LARGE1: variants seen among roughly 807,000 people sequenced by gnomAD.
LARGE1 encodes xylosyl- and glucuronyltransferase LARGE1.
A neutral mutation model predicts 87.6 loss-of-function variants in LARGE1; 43 were observed. The ratio of observed to expected loss-of-function variants is 0.49; its 90% CI spans 0.38 to 0.63. LARGE1 has a LOEUF of 0.63. LARGE1 is among the 30% of genes least tolerant of loss of function. LARGE1 has a pLI of 0.00. For missense variants in LARGE1, 802 were observed against 1,000.2 expected (o/e 0.80, Z 2.67); for synonymous variants, 434 against 394.6 (o/e 1.10, Z -1.18).
At chr22:33,553,665 T>G (rs1018782431) in intron 6 of LARGE1, among the ~76,000 whole-genome samples, 1 of 152,142 alleles carries the variant, frequency 6.6e-6, no homozygotes, top group African/African-American at 2.4e-5. Flanking sequence ...TGGGTATCAT[T>G]CTCCCCATCT....
chr22:33,089,782 C>T, the LARGE1 span, among the ~76,000 whole-genome samples: 1 of 152,088 alleles, frequency 6.6e-6, no homozygotes, highest in African/African-American at 2.4e-5. Flanking sequence ...AGATACAGAG[C>T]CACCATGCCT....
At chr22:33,498,124 A>C (rs569540454) in intron 6 of LARGE1, among the ~76,000 whole-genome samples, 3 of 152,140 alleles carry the variant, frequency 2.0e-5, no homozygotes, top group Admixed American at 2.0e-4. Context: ...GCCTCAAGTG[A>C]TCCATCCACC....
chr22:33,555,194 C>T (rs553360044), intron 6 of LARGE1, among the ~76,000 whole-genome samples: 25 of 152,086 alleles, frequency 1.6e-4, no homozygotes, highest in African/African-American at 6.0e-4. Context: ...GGAGGATGTC[C>T]ACAGATGATG....
chr22:33,094,420 C>T, the LARGE1 span, among the ~76,000 whole-genome samples: 10 of 152,210 alleles, frequency 6.6e-5, no homozygotes, highest in South Asian at 4.1e-4. Context: ...TGCTCCTACA[C>T]GATCCACTCT....
At chr22:33,458,350 C>T (rs1014065205) in intron 6 of LARGE1, among the ~76,000 whole-genome samples, 5 of 152,100 alleles carry the variant, frequency 3.3e-5, no homozygotes, top group South Asian at 2.1e-4. Context: ...ATGATCCGCC[C>T]GCCTTGGCCT....
At chr22:33,590,460 A>G (rs1044168009) in intron 5 of LARGE1, among the ~76,000 whole-genome samples, 1 of 152,230 alleles carries the variant, frequency 6.6e-6, no homozygotes, top group Non-Finnish European at 1.5e-5. Flanking sequence ...TTAAACGTAC[A>G]GTTCAATTTA....
At chr22:33,219,530 T>C in intron 11 of LARGE1, among the ~76,000 whole-genome samples, 1 of 152,212 alleles carries the variant, frequency 6.6e-6, no homozygotes, top group East Asian at 1.9e-4. Flanking sequence ...CACAGTGTTT[T>C]ACAGAGAATA....
the LARGE1 span, among the ~76,000 whole-genome samples, chr22:33,086,488 T>A: frequency 6.6e-6 from 1 of 152,054 alleles, no homozygotes; most frequent in Non-Finnish European, 1.5e-5. Flanking sequence ...ACCTTTGATA[T>A]TGTTAGAAAA....
intron 11 of LARGE1, among the ~76,000 whole-genome samples, chr22:33,209,376 A>G (rs182547470): frequency 7.2e-5 from 11 of 152,328 alleles, no homozygotes; most frequent in Admixed American, 6.5e-4. Context: ...CAGTGATAGT[A>G]TATTATGAGA....
intron 6 of LARGE1, among the ~76,000 whole-genome samples, chr22:33,433,871 T>A (rs1331178610): frequency 1.3e-5 from 2 of 152,224 alleles, no homozygotes; most frequent in African/African-American, 4.8e-5. Flanking sequence ...GACAGCTCCC[T>A]GAAATGATGG....
At chr22:33,275,652 C>A (rs573195094) in intron 14 of LARGE1, among the ~76,000 whole-genome samples, 27 of 152,218 alleles carry the variant, frequency 1.8e-4, no homozygotes, top group African/African-American at 6.3e-4. Context: ...GGTGTGCACT[C>A]ATTATTTCCT....
the LARGE1 span, among the ~76,000 whole-genome samples, chr22:33,091,422 T>C: frequency 4.6e-5 from 7 of 152,064 alleles, no homozygotes; most frequent in African/African-American, 1.7e-4. Context: ...TTAGCCAGTG[T>C]GGTGGCAGGC....
the LARGE1 span, among the ~76,000 whole-genome samples, chr22:33,073,891 C>T: frequency 3.3e-5 from 5 of 152,280 alleles, no homozygotes; most frequent in Admixed American, 6.5e-5. Flanking sequence ...CTGCAGACAG[C>T]GACTGTAAGT....
At chr22:33,110,954 A>C in the LARGE1 span, among the ~76,000 whole-genome samples, 1 of 152,224 alleles carries the variant, frequency 6.6e-6, no homozygotes, top group Non-Finnish European at 1.5e-5. Flanking sequence ...AGAGGTAAAC[A>C]AAAAAGCTCT....
At chr22:33,413,443 C>T (rs1004811) in intron 7 of LARGE1, among the ~76,000 whole-genome samples, 69,036 of 151,686 alleles carry the variant, frequency 0.46, 16,083 homozygotes, top group Non-Finnish European at 0.48. Context: ...GGCATCATTA[C>T]TGGGGGCTTT....
At chr22:33,136,925 A>T in the LARGE1 span, among the ~76,000 whole-genome samples, 1 of 129,878 alleles carries the variant, frequency 7.7e-6, no homozygotes. Context: ...AGAACCACAA[A>T]TATTAAGGTA....
chr22:33,713,130 T>A (rs1400431579), intron 2 of LARGE1, among the ~76,000 whole-genome samples: 1 of 152,134 alleles, frequency 6.6e-6, no homozygotes, highest in South Asian at 2.1e-4. Flanking sequence ...AGTTTTATTT[T>A]AAAAAGAGTA....
At chr22:33,609,032 C>T (rs1430486666) in intron 4 of LARGE1, among the ~76,000 whole-genome samples, 4 of 152,110 alleles carry the variant, frequency 2.6e-5, no homozygotes, top group African/African-American at 4.8e-5. Context: ...ACTTTTGCAT[C>T]GCGTTTTTGA....
At chr22:33,426,212 C>T (rs1180502215) in intron 7 of LARGE1, among the ~76,000 whole-genome samples, 2 of 152,136 alleles carry the variant, frequency 1.3e-5, no homozygotes, top group Non-Finnish European at 2.9e-5. Flanking sequence ...GATATGCAAA[C>T]GCTTCTCTAT....
Sources: gnomAD v4.1 joint callset for allele counts (sites outside exome capture counted in the v4.1 genomes callset) on GRCh38, gnomAD v4.1.1 for gene constraint, MANE v1.5 for transcripts, NCBI Gene and HGNC (gene_info 2026-07-23, HGNC 2026-07-21) for gene names.